TNFRSF19: variants seen among roughly 807,000 people sequenced by gnomAD.
The protein encoded by TNFRSF19 is TNF receptor superfamily member 19, also known as tumor necrosis factor receptor superfamily member 19.
TNFRSF19 carries 27 observed loss-of-function variants against 46.4 expected under a neutral mutation model. That is an observed-to-expected ratio of 0.58 (90% confidence interval 0.43 to 0.80). The LOEUF (loss-of-function observed/expected upper bound fraction) is 0.80, where lower values mean the gene tolerates loss of function less well. TNFRSF19 is among the 30% of genes least tolerant of loss of function. TNFRSF19 has a pLI of 0.00. For missense variants in TNFRSF19, 511 were observed against 530.8 expected (o/e 0.96, Z 0.37); for synonymous variants, 204 against 205.0 (o/e 1.00, Z 0.04).
At position 23,659,970 on chromosome 13, in the gene TNFRSF19, G is replaced by A. The variant is rs183004022; in HGVS notation, c.611-395G>A. Among the ~76,000 whole-genome samples, 4 of 151,720 alleles carry A rather than the reference G, an allele frequency of 2.6e-5. No homozygotes were observed. The East Asian group carries it at 7.7e-4, about 29-fold the overall frequency. The stretch of plus-strand genomic sequence containing the variant: ...TCATCTTCATGTTGAGTGGGCTGAG[G>A]AGGAGGAGGAGGAGGGTTGGCCTTG... On this transcript the variant is annotated intron_variant, in intron 6 of 9. Transcript: ENST00000248484. The surrounding 1 kb of genome is among the most constrained non-coding windows in gnomAD (Gnocchi z 4.9).
chr13:23,638,333 T>C (rs1053738913), intron 5 of TNFRSF19, among the ~76,000 whole-genome samples: 4 of 152,212 alleles, frequency 2.6e-5, no homozygotes, highest in African/African-American at 9.6e-5. Flanking sequence ...ACAAAACAGC[T>C]GTACTTACAA....
At chr13:23,603,489 C>G (rs1880307137) in intron 3 of TNFRSF19, among the ~76,000 whole-genome samples, 1 of 151,914 alleles carries the variant, frequency 6.6e-6, no homozygotes, top group Non-Finnish European at 1.5e-5. Context: ...CAGAAATCAC[C>G]CTAATGCCTA....
intron 7 of TNFRSF19, among the ~76,000 whole-genome samples, chr13:23,666,589 C>G (rs973604424): frequency 6.6e-6 from 1 of 152,210 alleles, no homozygotes; most frequent in Non-Finnish European, 1.5e-5. Flanking sequence ...TTAGCACTTT[C>G]TTACTTTCTG....
chr13:23,668,638 A>C, intron 8 of TNFRSF19, 54 bp from the exon 9 acceptor site: 1 of 1,542,456 alleles, frequency 6.5e-7, no homozygotes, highest in Non-Finnish European at 8.7e-7. Context: ...GCTTCTTTGT[A>C]GTAGTGTTTT....
intron 3 of TNFRSF19, among the ~76,000 whole-genome samples, chr13:23,605,364 G>A (rs1252594710): frequency 6.6e-6 from 1 of 152,168 alleles, no homozygotes; most frequent in Admixed American, 6.5e-5. Flanking sequence ...CCTTGCTAGT[G>A]GGAATGCAAA....
chr13:23,633,780 C>T (rs574268372), intron 5 of TNFRSF19, among the ~76,000 whole-genome samples: 41 of 152,234 alleles, frequency 2.7e-4, no homozygotes, highest in African/African-American at 9.9e-4. Flanking sequence ...ACGCGGGAGG[C>T]GGAGGTTGCA....
At chr13:23,586,085 C>T (rs973628816) in intron 1 of TNFRSF19, among the ~76,000 whole-genome samples, 1 of 151,780 alleles carries the variant, frequency 6.6e-6, no homozygotes, top group South Asian at 2.1e-4. Flanking sequence ...GGCGAAACCC[C>T]GTCTCTACTA....
intron 7 of TNFRSF19, among the ~76,000 whole-genome samples, chr13:23,662,096 A>T (rs1884404904): frequency 1.3e-5 from 2 of 152,206 alleles, no homozygotes; most frequent in Admixed American, 1.3e-4. Context: ...TGTCTTTGTC[A>T]TGAAATCTTT....
At chr13:23,654,373 C>T (rs1051631547) in intron 5 of TNFRSF19, among the ~76,000 whole-genome samples, 1 of 152,126 alleles carries the variant, frequency 6.6e-6, no homozygotes, top group South Asian at 2.1e-4. Context: ...GAATGCCCCC[C>T]GCCCCTGCCC....
chr13:23,653,116 C>T (rs1183972346), intron 5 of TNFRSF19, among the ~76,000 whole-genome samples: 2 of 152,212 alleles, frequency 1.3e-5, no homozygotes, highest in Admixed American at 6.5e-5. Context: ...CAGCCTTAGA[C>T]ATCTGCTTCC....
chr13:23,658,500 T>G (rs1837942150), intron 5 of TNFRSF19, among the ~76,000 whole-genome samples: 1 of 152,196 alleles, frequency 6.6e-6, no homozygotes, highest in South Asian at 2.1e-4. Flanking sequence ...TCTCCAAAAC[T>G]TAGATGTTTT....
In TNFRSF19 at chr13:23,585,662, T is replaced by C. The variant is rs574157748; in HGVS notation, c.-34-4488T>C. 9.2e-5 allele frequency: 14 copies of C among 152,348 alleles called. No individual in the cohort carries two copies. The South Asian group carries it at 1.9e-3, about 20-fold the overall frequency. 9.4% of individuals were successfully genotyped at this position (152,348 alleles called of 1,614,324 possible). ...TCATTTAGCATGCATTGGGCACATATTGTGAGTTACAGTTCTATAGTGAAA... is the reference window on the plus strand; with the variant it reads ...TCATTTAGCATGCATTGGGCACATACTGTGAGTTACAGTTCTATAGTGAAA... On this transcript the variant is annotated intron_variant, in intron 1 of 9. Transcript: ENST00000248484.
In TNFRSF19 at chr13:23,616,560, T is replaced by TTTTG. The variant is rs35916122; in HGVS notation, c.359+535_359+538dup. Among the ~76,000 whole-genome samples the TTTTG allele has an allele frequency of 3.3e-3, 493 of 149,044 alleles. 4 individuals carry two copies. The highest frequency in any genetic ancestry group is 0.012 in the African/African-American group (461 of 39,626). ...CCATGGGGAGCTTATTTCTTATAGGTTTTGTTTGTTTGTTTGTTTGTTTTG... is the reference window on the plus strand; with the variant it reads ...CCATGGGGAGCTTATTTCTTATAGGTTTTGTTTGTTTGTTTGTTTGTTTGTTTTG... On this transcript the variant is annotated intron_variant, in intron 4 of 9. Transcript: ENST00000248484.
At chr13:23,637,811 G>C (rs967102211) in intron 5 of TNFRSF19, among the ~76,000 whole-genome samples, 1 of 152,248 alleles carries the variant, frequency 6.6e-6, no homozygotes, top group Non-Finnish European at 1.5e-5. Context: ...ATCAGGGTCC[G>C]CAGGCTAACA....
chr13:23,611,416 C>T (rs533550348), intron 3 of TNFRSF19, among the ~76,000 whole-genome samples: 6 of 152,286 alleles, frequency 3.9e-5, no homozygotes, highest in Non-Finnish European at 7.4e-5. Context: ...AAAATGACCT[C>T]ACAGGATTCT....
At position 23,673,433 on chromosome 13, in the gene TNFRSF19, C is replaced by A. The variant is rs1394061187; in HGVS notation, c.*53C>A. Reference sequence around the variant, plus strand: ...CGTGTGCTGGAACCCAAAGAGTACTCCTTTGTTAGGCTTATGGACTGAGCA... The same window carrying A: ...CGTGTGCTGGAACCCAAAGAGTACTACTTTGTTAGGCTTATGGACTGAGCA... On this transcript the variant is annotated 3_prime_UTR_variant, in exon 10 of 10. Transcript: ENST00000248484. 2.5e-6 allele frequency: 4 copies of A among 1,586,958 alleles called. No individual in the cohort carries two copies. The highest frequency in any genetic ancestry group is 3.4e-6 in the Non-Finnish European group (4 of 1,164,242).
At chr13:23,592,892 A>G (rs1259480155) in intron 2 of TNFRSF19, among the ~76,000 whole-genome samples, 2 of 152,162 alleles carry the variant, frequency 1.3e-5, no homozygotes, top group Non-Finnish European at 2.9e-5. Context: ...ATACTTGAAT[A>G]TGTTTATATT....
chr13:23,611,732 A>G (rs1880922265), intron 3 of TNFRSF19, among the ~76,000 whole-genome samples: 2 of 152,220 alleles, frequency 1.3e-5, no homozygotes, highest in Admixed American at 1.3e-4. Flanking sequence ...GGAAAAAACA[A>G]AAAAGATTTG....
chr13:23,638,205 G>T (rs542147411), intron 5 of TNFRSF19, among the ~76,000 whole-genome samples: 1 of 152,210 alleles, frequency 6.6e-6, no homozygotes, highest in Non-Finnish European at 1.5e-5. Flanking sequence ...CATCCTTGCG[G>T]GTAGGGAAGG....
Sources: gnomAD v4.1 joint callset for allele counts (sites outside exome capture counted in the v4.1 genomes callset) on GRCh38, gnomAD v4.1.1 for gene constraint, Gnocchi (gnomAD v3.1) non-coding constraint, MANE v1.5 for transcripts, NCBI Gene and HGNC (gene_info 2026-07-23, HGNC 2026-07-21) for gene names.